CD48: variants seen among roughly 807,000 people sequenced by gnomAD.
The protein encoded by CD48 is CD48 antigen.
CD48 carries 20 observed loss-of-function variants against 22.0 expected under a neutral mutation model. That is an observed-to-expected ratio of 0.91 (90% CI 0.64 to 1.32). The LOEUF (loss-of-function observed/expected upper bound fraction) is 1.32. Ranked by LOEUF, CD48 falls within the 40% of genes most tolerant of loss-of-function variation. The pLI is 0.00. For synonymous variants in CD48, 110 were observed against 110.1 expected, an observed-to-expected ratio of 1.00 and a Z score of 0.01; for missense variants, 307 against 286.5, an observed-to-expected ratio of 1.07 and a Z score of -0.52.
intron 1 of CD48, among the ~76,000 whole-genome samples, chr1:160,707,785 A>T (rs1662834717): frequency 1.3e-5 from 2 of 152,128 alleles, no homozygotes; most frequent in Admixed American, 6.5e-5. Context: ...CAATGACTCA[A>T]AATTTATTCC....
At chr1:160,682,086 C>G (rs551662760) in intron 2 of CD48, among the ~76,000 whole-genome samples, 7 of 152,252 alleles carry the variant, frequency 4.6e-5, no homozygotes, top group African/African-American at 1.4e-4. Context: ...CTAGCACAAT[C>G]CCTGCCACAT....
At chr1:160,708,077 A>T (rs902477111) in intron 1 of CD48, among the ~76,000 whole-genome samples, 2 of 152,152 alleles carry the variant, frequency 1.3e-5, no homozygotes, top group Non-Finnish European at 2.9e-5. Context: ...ACCTCACTTG[A>T]ATTTGGGGGT....
At chr1:160,680,144 A>G (rs1166373890) in intron 3 of CD48, among the ~76,000 whole-genome samples, 1 of 152,248 alleles carries the variant, frequency 6.6e-6, no homozygotes, top group East Asian at 1.9e-4. Flanking sequence ...AGAATCCCTG[A>G]TGACTGGGCA....
At chr1:160,699,908 C>G (rs1662572835) in intron 1 of CD48, 1 of 151,874 alleles carries the variant, frequency 6.6e-6, no homozygotes, top group South Asian at 2.1e-4. Flanking sequence ...TCCCCGGGCC[C>G]CCTTATTTCT....
chr1:160,709,404 A>T (rs1363013119), intron 1 of CD48, among the ~76,000 whole-genome samples: 1 of 152,222 alleles, frequency 6.6e-6, no homozygotes, highest in Non-Finnish European at 1.5e-5. Flanking sequence ...AATGAGGAAC[A>T]GATTATTATA....
chr1:160,698,982 G>C (rs1662529152), intron 1 of CD48: 1 of 152,802 alleles, frequency 6.5e-6, no homozygotes, highest in Admixed American at 6.5e-5. Flanking sequence ...CAGCTCCGAA[G>C]AGACAGTGAC....
intron 1 of CD48, among the ~76,000 whole-genome samples, chr1:160,705,496 TA>T (rs921686474): frequency 7.2e-5 from 11 of 152,316 alleles, no homozygotes; most frequent in Admixed American, 3.3e-4. Flanking sequence ...AATTAATGTT[TA>T]AGATATGTTT....
chr1:160,706,557 C>A (rs909068593), intron 1 of CD48, among the ~76,000 whole-genome samples: 2 of 152,040 alleles, frequency 1.3e-5, no homozygotes, highest in Non-Finnish European at 2.9e-5. Context: ...GCCTTCTTAA[C>A]AATTCCACTT....
At chr1:160,689,067 C>G (rs1490141384) in intron 1 of CD48, among the ~76,000 whole-genome samples, 1 of 152,048 alleles carries the variant, frequency 6.6e-6, no homozygotes, top group Non-Finnish European at 1.5e-5. Flanking sequence ...ATTACTTCTC[C>G]TTTCATTTGT....
intron 1 of CD48, among the ~76,000 whole-genome samples, chr1:160,693,329 G>A (rs964466049): frequency 1.3e-5 from 2 of 152,274 alleles, no homozygotes; most frequent in Non-Finnish European, 2.9e-5. Context: ...GATGGCATAC[G>A]AAAACGCCAA....
At chr1:160,686,934 C>G (rs1238740630) in intron 1 of CD48, among the ~76,000 whole-genome samples, 1 of 152,134 alleles carries the variant, frequency 6.6e-6, no homozygotes, top group African/African-American at 2.4e-5. Context: ...TATCAGGAGA[C>G]AGGGTTTTGA....
Position 160,678,857 on chromosome 1 carries a change from G to A in CD48, c.*195C>T, listed in dbSNP as rs1558028502. ...AAAGCATGTGTATCTCTATATCTCT[G>A]TGTACTAGAAAACAACAAAGGGATA... On this transcript the variant is annotated 3_prime_UTR_variant, in exon 4 of 4. Coordinates refer to ENST00000368046, the MANE Select transcript of CD48 (RefSeq NM_001778.4). 1 of 546,720 alleles carries A rather than the reference G, an allele frequency of 1.8e-6. No homozygotes were observed. The highest frequency in any genetic ancestry group is 3.3e-6 in the Non-Finnish European group (1 of 305,802). 33.9% of individuals were successfully genotyped at this position (546,720 alleles called of 1,614,324 possible). A position where few individuals can be genotyped will look rare whatever the true frequency, so the allele number is the denominator to read the frequency against.
At chr1:160,694,526 G>A (rs1354207190) in intron 1 of CD48, among the ~76,000 whole-genome samples, 1 of 152,032 alleles carries the variant, frequency 6.6e-6, no homozygotes, top group Non-Finnish European at 1.5e-5. Context: ...AGAAAGTACT[G>A]TTCAGCCAAT....
chr1:160,704,618 G>C (rs1009347327), intron 1 of CD48, among the ~76,000 whole-genome samples: 9 of 152,204 alleles, frequency 5.9e-5, no homozygotes, highest in Non-Finnish European at 1.0e-4. Flanking sequence ...TATTGTGGAA[G>C]CACGAAGGCA....
intron 1 of CD48, among the ~76,000 whole-genome samples, chr1:160,687,798 A>G (rs1662056071): frequency 6.6e-6 from 1 of 152,228 alleles, no homozygotes; most frequent in South Asian, 2.1e-4. Context: ...TAATCCAAGT[A>G]GTGGGGTTTA....
At chr1:160,704,689 A>AT (rs1298636725) in intron 1 of CD48, among the ~76,000 whole-genome samples, 1 of 151,852 alleles carries the variant, frequency 6.6e-6, no homozygotes, top group African/African-American at 2.4e-5. Flanking sequence ...TAGTATTTGT[A>AT]TTTTTTTAAC....
At chr1:160,688,064 G>C (rs1160071865) in intron 1 of CD48, among the ~76,000 whole-genome samples, 2 of 152,186 alleles carry the variant, frequency 1.3e-5, no homozygotes, top group Non-Finnish European at 2.9e-5. Flanking sequence ...CTCACTACCT[G>C]ATCTCCAAGC....
chr1:160,701,229 A>AGCAGGAGCAGGCAT (rs71090320), intron 1 of CD48, among the ~76,000 whole-genome samples: 1 of 94,524 alleles, frequency 1.1e-5, no homozygotes, highest in Non-Finnish European at 2.2e-5. Context: ...TAGGTATTAA[A>AGCAGGAGCAGGCAT]GCCAGGTTGG....
At chr1:160,683,077 C>T (rs1166668317) in intron 2 of CD48, among the ~76,000 whole-genome samples, 2 of 152,222 alleles carry the variant, frequency 1.3e-5, no homozygotes, top group Admixed American at 1.3e-4. Flanking sequence ...TAAAAGATTG[C>T]TCAGACTACA....
Sources: gnomAD v4.1 joint callset for allele counts (sites outside exome capture counted in the v4.1 genomes callset) on GRCh38, gnomAD v4.1.1 for gene constraint, MANE v1.5 for transcripts, NCBI Gene and HGNC (gene_info 2026-07-23, HGNC 2026-07-21) for gene names.